The following DCAF8L2 variants were observed in gnomAD, a reference collection of about 807,000 sequenced individuals.
The protein encoded by DCAF8L2 is DDB1 and CUL4 associated factor 8 like 2.
For missense variants in DCAF8L2, 430 were observed against 490.7 expected (o/e 0.88, Z 1.17); for synonymous variants, 200 against 190.9 (o/e 1.05, Z -0.39).
chrX:27,642,159 T>C (rs1602689837), intron 2 of DCAF8L2, among the ~76,000 whole-genome samples: 6 of 110,498 alleles, frequency 5.4e-5, no homozygotes, highest in Admixed American at 3.9e-4. Flanking sequence ...TCCCAAAGTG[T>C]TGGGATAACA....
intron 1 of DCAF8L2, among the ~76,000 whole-genome samples, chrX:27,628,605 CT>C (rs35579870): frequency 0.29 from 26,062 of 89,960 alleles, 2,848 homozygotes; most frequent in Middle Eastern, 0.42. Flanking sequence ...TGGCTCTTGT[CT>C]TTTTTTTTTT....
At chrX:27,587,975 TA>T (rs531576238), upstream of DCAF8L2, among the ~76,000 whole-genome samples, 182 of 25,490 alleles carry the variant, frequency 7.1e-3, 5 homozygotes, top group African/African-American at 0.016. Flanking sequence ...GTACTTCCAT[TA>T]AAAAAAAAAA....
chrX:27,589,779 C>T (rs1925992935), upstream of DCAF8L2, among the ~76,000 whole-genome samples: 1 of 111,800 alleles, frequency 8.9e-6, no homozygotes, highest in Non-Finnish European at 1.9e-5. Context: ...AAGAATAAAC[C>T]ATGTGTGTAA....
chrX:27,666,933 A>T, intron 2 of DCAF8L2, among the ~76,000 whole-genome samples: 1 of 112,152 alleles, frequency 8.9e-6, no homozygotes, highest in East Asian at 2.8e-4. Flanking sequence ...ACTTTAATGT[A>T]CATATGAATC....
At position 27,625,625 on chromosome X, in the gene DCAF8L2, G is replaced by T. The variant is rs144565958; in HGVS notation, c.-341-6254G>T. ...GAATCAACCTAAATGCCCATTAACA[G>T]TAGACTGGATAAAGAAAATGTGGTA... On this transcript the variant is annotated intron_variant, in intron 1 of 4. Transcript: ENST00000451261. 3.3e-4 allele frequency among the ~76,000 whole-genome samples: 37 copies of T among 112,102 alleles called. No individual in the cohort carries two copies. The East Asian group carries it at 5.6e-3, about 17-fold the overall frequency.
the DCAF8L2 span, among the ~76,000 whole-genome samples, chrX:27,577,098 G>A: frequency 8.9e-6 from 1 of 111,957 alleles, no homozygotes; most frequent in Non-Finnish European, 1.9e-5. Context: ...ATATTTCAGG[G>A]TAAATCTGAA....
At chrX:27,654,463 T>A (rs1215534076) in intron 2 of DCAF8L2, among the ~76,000 whole-genome samples, 2 of 112,260 alleles carry the variant, frequency 1.8e-5, no homozygotes, top group African/African-American at 6.5e-5. Flanking sequence ...TGAAATAATT[T>A]CTTCATTAAA....
intron 1 of DCAF8L2, among the ~76,000 whole-genome samples, chrX:27,603,389 C>T (rs1926737488): frequency 9.0e-6 from 1 of 111,229 alleles, no homozygotes; most frequent in African/African-American, 3.3e-5. Flanking sequence ...TTTAAGTGCC[C>T]GGGGACCCTA....
At chrX:27,511,399 A>G in the DCAF8L2 span, among the ~76,000 whole-genome samples, 2 of 111,393 alleles carry the variant, frequency 1.8e-5, no homozygotes, top group African/African-American at 6.5e-5. Flanking sequence ...TTCATATTTC[A>G]TATTTCCAAG....
At chrX:27,538,555 G>A in the DCAF8L2 span, among the ~76,000 whole-genome samples, 30 of 110,053 alleles carry the variant, frequency 2.7e-4, no homozygotes, top group Middle Eastern at 0.019. Context: ...CACCACGCCC[G>A]GCTAATTTTT....
chrX:27,730,498 A>C (rs888171892), intron 4 of DCAF8L2, among the ~76,000 whole-genome samples: 3 of 110,438 alleles, frequency 2.7e-5, no homozygotes, highest in African/African-American at 9.9e-5. Context: ...GCTCACTGCA[A>C]CCTCTGCCCC....
At chrX:27,661,107 G>T (rs1929542427) in intron 2 of DCAF8L2, among the ~76,000 whole-genome samples, 1 of 111,523 alleles carries the variant, frequency 9.0e-6, no homozygotes, top group African/African-American at 3.3e-5. Flanking sequence ...TGAATTCCCT[G>T]TCTGGGATAA....
At chrX:27,505,771 C>T in the DCAF8L2 span, among the ~76,000 whole-genome samples, 1 of 103,137 alleles carries the variant, frequency 9.7e-6, no homozygotes, top group Non-Finnish European at 2.0e-5. Flanking sequence ...TGCTGTTATT[C>T]TCTCTTGCCC....
chrX:27,618,373 G>C (rs1262216175), intron 1 of DCAF8L2, among the ~76,000 whole-genome samples: 2 of 111,553 alleles, frequency 1.8e-5, no homozygotes, highest in Non-Finnish European at 3.8e-5. Context: ...AGAAAAAAAT[G>C]GGGATTGGAC....
At chrX:27,490,276 T>A in the DCAF8L2 span, among the ~76,000 whole-genome samples, 1 of 112,350 alleles carries the variant, frequency 8.9e-6, no homozygotes, top group African/African-American at 3.2e-5. Context: ...GTGTTCCACT[T>A]ATTCAATTGA....
intron 2 of DCAF8L2, among the ~76,000 whole-genome samples, chrX:27,661,352 T>A (rs1929551015): frequency 8.9e-6 from 1 of 111,774 alleles, no homozygotes; most frequent in African/African-American, 3.3e-5. Context: ...AGGGTCTCTA[T>A]CACTTTATTG....
At chrX:27,614,448 C>A (rs1396416950) in intron 1 of DCAF8L2, among the ~76,000 whole-genome samples, 1 of 111,064 alleles carries the variant, frequency 9.0e-6, no homozygotes. Flanking sequence ...GTGTCTCTAT[C>A]TCCTTCAGTT....
intron 3 of DCAF8L2, among the ~76,000 whole-genome samples, chrX:27,694,780 T>G (rs1455274719): frequency 8.9e-6 from 1 of 111,898 alleles, no homozygotes; most frequent in Non-Finnish European, 1.9e-5. Flanking sequence ...TGAATTAGAT[T>G]GGAGATAGTC....
chrX:27,552,565 A>G, the DCAF8L2 span, among the ~76,000 whole-genome samples: 2 of 111,565 alleles, frequency 1.8e-5, no homozygotes, highest in Admixed American at 9.6e-5. Flanking sequence ...CTTTTCCCCA[A>G]TGTGTTCTCT....
Sources: gnomAD v4.1 joint callset for allele counts (sites outside exome capture counted in the v4.1 genomes callset) on GRCh38, gnomAD v4.1.1 for gene constraint, MANE v1.5 for transcripts, NCBI Gene and HGNC (gene_info 2026-07-23, HGNC 2026-07-21) for gene names.